Variants in ARID2 observed in about 807,000 individuals in gnomAD.
The protein encoded by ARID2 is AT-rich interaction domain 2.
ARID2 carries 32 observed loss-of-function variants against 184.6 expected under a neutral mutation model. The observed-to-expected ratio is 0.17, with a 90% CI of 0.13 to 0.23. The LOEUF (loss-of-function observed/expected upper bound fraction) is 0.23. Among genes scored for constraint, ARID2 ranks in the 10% least tolerant of loss-of-function variants. The pLI, the probability that ARID2 is intolerant of heterozygous loss-of-function variation, is 1.00. For synonymous variants in ARID2, 836 were observed against 772.6 expected (o/e 1.08, Z -1.36); for missense variants, 1,696 against 2,197.6 (o/e 0.77, Z 4.56).
chr12:45,874,495 T>C (rs959101796), intron 16 of ARID2, among the ~76,000 whole-genome samples: 5 of 152,232 alleles, frequency 3.3e-5, no homozygotes, highest in Admixed American at 6.5e-5. Context: ...TGTTCATCCC[T>C]AAGAAGCAAC....
intron 20 of ARID2, among the ~76,000 whole-genome samples, chr12:45,896,720 G>C (rs1944373060): frequency 6.6e-6 from 1 of 152,204 alleles, no homozygotes; most frequent in Non-Finnish European, 1.5e-5. Context: ...TATGCTAAGG[G>C]TGGAATGTGT....
intron 16 of ARID2, among the ~76,000 whole-genome samples, chr12:45,861,750 A>G (rs181056581): frequency 3.3e-3 from 498 of 151,674 alleles, no homozygotes; most frequent in African/African-American, 0.012. Flanking sequence ...ATCCCTGGCT[A>G]ATTTTTGTTT....
At chr12:45,782,696 G>T (rs1377695060) in intron 3 of ARID2, among the ~76,000 whole-genome samples, 1 of 152,052 alleles carries the variant, frequency 6.6e-6, no homozygotes, top group Non-Finnish European at 1.5e-5. Context: ...ATACTAACAA[G>T]TGGCAGAACT....
At chr12:45,760,493 G>C (rs1941654671) in intron 3 of ARID2, among the ~76,000 whole-genome samples, 1 of 151,720 alleles carries the variant, frequency 6.6e-6, no homozygotes, top group African/African-American at 2.4e-5. Context: ...CTGCGTGTGT[G>C]TTTTTTTGGT....
intron 3 of ARID2, among the ~76,000 whole-genome samples, chr12:45,764,658 A>G (rs1422670724): frequency 6.6e-6 from 1 of 152,220 alleles, no homozygotes; most frequent in East Asian, 1.9e-4. Context: ...AGTACAGTAC[A>G]TCTGAGATTT....
At chr12:45,730,788 G>C (rs1246277333) in intron 2 of ARID2, among the ~76,000 whole-genome samples, 2 of 152,172 alleles carry the variant, frequency 1.3e-5, no homozygotes, top group Admixed American at 1.3e-4. Context: ...GATAGATCTG[G>C]GAGAGGGATC....
rs551926450 is a variant in ARID2 at position 45,734,008 on chromosome 12, G to A, written c.284+2694G>A. Among the ~76,000 whole-genome samples, 3 of 152,168 alleles carry A rather than the reference G, an allele frequency of 2.0e-5. No individual in the cohort carries two copies. The South Asian group carries it at 6.2e-4, about 32-fold the overall frequency. ...CTCCAGAAATATATACACGTACTGTGTACCCACAAAAATTAAAAATTAAAA... is the reference window on the plus strand; with the variant it reads ...CTCCAGAAATATATACACGTACTGTATACCCACAAAAATTAAAAATTAAAA... On this transcript the variant is annotated intron_variant, in intron 3 of 20. Coordinates refer to ENST00000334344, the MANE Select transcript of ARID2 (RefSeq NM_152641.4).
intron 3 of ARID2, among the ~76,000 whole-genome samples, chr12:45,739,013 G>A (rs1010532464): frequency 1.1e-4 from 17 of 151,600 alleles, no homozygotes; most frequent in African/African-American, 4.1e-4. Flanking sequence ...TTGTTACCCA[G>A]GCTAGAGTGC....
At chr12:45,835,220 T>C (rs1943196771) in intron 6 of ARID2, among the ~76,000 whole-genome samples, 1 of 152,186 alleles carries the variant, frequency 6.6e-6, no homozygotes, top group Non-Finnish European at 1.5e-5. Flanking sequence ...CATATAGTTT[T>C]AATTCCTTTG....
At chr12:45,837,220 G>A (rs1171382167) in intron 8 of ARID2, 101 bp from the exon 9 acceptor site, 6 of 1,184,268 alleles carry the variant, frequency 5.1e-6, no homozygotes, top group Non-Finnish European at 7.1e-6. Context: ...ATTTTTTAAC[G>A]TTATGCAACA....
At chr12:45,752,748 G>T (rs1307995576) in intron 3 of ARID2, among the ~76,000 whole-genome samples, 2 of 152,164 alleles carry the variant, frequency 1.3e-5, no homozygotes, top group Admixed American at 6.5e-5. Context: ...CTCCTGCCTT[G>T]GCTTTCCAAA....
At chr12:45,862,536 T>C (rs988627106) in intron 16 of ARID2, among the ~76,000 whole-genome samples, 1 of 152,202 alleles carries the variant, frequency 6.6e-6, no homozygotes, top group African/African-American at 2.4e-5. Context: ...TAAAGGTGTT[T>C]GTTAACTTTT....
chr12:45,767,046 A>G (rs1941785461), intron 3 of ARID2, among the ~76,000 whole-genome samples: 1 of 152,304 alleles, frequency 6.6e-6, no homozygotes, highest in East Asian at 1.9e-4. Context: ...TGGTTGATCC[A>G]TGTTGTCACT....
chr12:45,851,192 A>G lies in ARID2; in HGVS notation c.3069A>G (p.Pro1023=). 1 of 1,614,116 alleles carries G rather than the reference A, an allele frequency of 6.2e-7. No individual in the cohort carries two copies. Among genetic ancestry groups the G allele is most frequent in the Non-Finnish European group, 8.5e-7 (1 of 1,179,996 alleles). The change falls in exon 15 of 21, where the codon CCA becomes CCG. Residue 1023 remains proline, a synonymous_variant. Coordinates refer to ENST00000334344, the MANE Select transcript of ARID2 (RefSeq NM_152641.4). The part of the protein sequence containing the change: ...QQQQHSPAPP[P]QQVQVQVQQP... ...AGCAACATTCACCAGCACCCCCACC[A>G]CAGCAGGTACAAGTACAAGTTCAGC...
At chr12:45,899,672 T>C (rs1944424363) in intron 20 of ARID2, among the ~76,000 whole-genome samples, 2 of 14,680 alleles carry the variant, frequency 1.4e-4, no homozygotes, top group Admixed American at 1.1e-3. Context: ...TATATATGGT[T>C]ATATATGGTT....
intron 16 of ARID2, among the ~76,000 whole-genome samples, chr12:45,890,142 G>A (rs1023120246): frequency 6.6e-6 from 1 of 152,202 alleles, no homozygotes; most frequent in Non-Finnish European, 1.5e-5. Context: ...AAGAGTAGTA[G>A]ATTGGAGAGA....
chr12:45,730,083 G>C lies in ARID2; in HGVS notation c.132G>C (p.Glu44Asp). The C allele has an allele frequency of 6.2e-7, 1 of 1,613,590 alleles. No individual in the cohort carries two copies. Among genetic ancestry groups the C allele is most frequent in the Non-Finnish European group, 8.5e-7 (1 of 1,179,766 alleles). Reference protein sequence around the residue: ...FKKIPAVGGKELDLHGLYTRV... With the variant: ...FKKIPAVGGKDLDLHGLYTRV... ...AAATCCCTGCGGTGGGTGGGAAGGAGCTGGATCTTCACGGTCTCTACACCA... is the reference window on the plus strand; with the variant it reads ...AAATCCCTGCGGTGGGTGGGAAGGACCTGGATCTTCACGGTCTCTACACCA... The change falls in exon 2 of 21, where the codon GAG (glutamate) becomes GAC (aspartate). Residue 44 changes from glutamate (E) to aspartate (D), a missense_variant. Around this residue, in one of 11 missense-constraint regions of ARID2, gnomAD observed 54 missense variants for 59.9 expected, o/e 0.90. Coordinates refer to ENST00000334344, the MANE Select transcript of ARID2 (RefSeq NM_152641.4).
chr12:45,736,133 G>A (rs1941114709), intron 3 of ARID2, among the ~76,000 whole-genome samples: 1 of 152,124 alleles, frequency 6.6e-6, no homozygotes, highest in South Asian at 2.1e-4. Context: ...CAAGGCAGGC[G>A]AATCACAAGG....
intron 3 of ARID2, among the ~76,000 whole-genome samples, chr12:45,756,850 C>T (rs1592057542): frequency 6.6e-6 from 1 of 152,202 alleles, no homozygotes; most frequent in African/African-American, 2.4e-5. Flanking sequence ...AGTAAGCTGG[C>T]ATAGTGCCAC....
Sources: allele counts gnomAD v4.1 joint callset (sites outside exome capture counted in the v4.1 genomes callset), GRCh38; gene constraint gnomAD v4.1.1; regional missense constraint gnomAD v4.1.1; transcripts MANE v1.5; gene names NCBI Gene and HGNC (gene_info 2026-07-23, HGNC 2026-07-21).